The following WDFY3 variants were observed in gnomAD, a reference collection of about 807,000 sequenced individuals.
WDFY3 encodes WD repeat and FYVE domain containing 3, also known as WD repeat and FYVE domain-containing protein 3.
A neutral mutation model predicts 409.6 loss-of-function variants in WDFY3; 66 were observed. That is an observed-to-expected ratio of 0.16 (90% CI 0.13 to 0.20). The LOEUF (loss-of-function observed/expected upper bound fraction) is 0.20. Ranked by LOEUF, WDFY3 falls within the 10% of genes least tolerant of loss-of-function variation. WDFY3 has a pLI of 1.00. For missense variants in WDFY3, 3,031 were observed against 4,298.1 expected, an observed-to-expected ratio of 0.71 and a Z score of 8.24; for synonymous variants, 1,521 against 1,537.1, an observed-to-expected ratio of 0.99 and a Z score of 0.25.
At chr4:84,869,319 T>C (rs1046146016) in intron 3 of WDFY3, among the ~76,000 whole-genome samples, 6 of 152,192 alleles carry the variant, frequency 3.9e-5, no homozygotes, top group Admixed American at 2.0e-4. Context: ...CTCCCAATTG[T>C]TCAATAGAGG....
At chr4:84,950,492 C>T (rs934697382) in intron 1 of WDFY3, among the ~76,000 whole-genome samples, 1 of 151,958 alleles carries the variant, frequency 6.6e-6, no homozygotes, top group African/African-American at 2.4e-5. Context: ...AATAGCATCT[C>T]ATCATCTTAA....
At chr4:84,757,775 A>G (rs371049366) in intron 32 of WDFY3, among the ~76,000 whole-genome samples, 1 of 152,294 alleles carries the variant, frequency 6.6e-6, no homozygotes, top group East Asian at 1.9e-4. Flanking sequence ...TGTAGTTAAT[A>G]TATTTCATTG....
At position 84,787,478 on chromosome 4, in the gene WDFY3, T is replaced by C; in HGVS notation, c.3901+4A>G. ...ACTTCAAGAACTAAAAATAAGTTAC[T>C]CACATGGCATACATACAGCCTGAAA... On this transcript the variant is annotated splice_donor_region_variant and intron_variant, in intron 23 of 67. Coordinates refer to ENST00000295888, the MANE Select transcript of WDFY3 (RefSeq NM_014991.6). The C allele has an allele frequency of 6.2e-7, 1 of 1,609,730 alleles. No homozygotes were observed. The highest frequency in any genetic ancestry group is 8.5e-7 in the Non-Finnish European group (1 of 1,176,418).
intron 44 of WDFY3, among the ~76,000 whole-genome samples, chr4:84,730,217 T>C (rs936454406): frequency 1.1e-4 from 16 of 152,128 alleles, no homozygotes; most frequent in Admixed American, 2.0e-4. Flanking sequence ...CTGCATAAAC[T>C]ACAGGGCCCA....
At chr4:84,899,700 C>T (rs1381919092) in intron 2 of WDFY3, among the ~76,000 whole-genome samples, 1 of 152,046 alleles carries the variant, frequency 6.6e-6, no homozygotes, top group African/African-American at 2.4e-5. Flanking sequence ...ATACTTCATC[C>T]AGTCCTCTAC....
intron 32 of WDFY3, among the ~76,000 whole-genome samples, chr4:84,759,983 C>T (rs1243940416): frequency 6.6e-6 from 1 of 151,714 alleles, no homozygotes; most frequent in Non-Finnish European, 1.5e-5. Context: ...GTCCCATCAA[C>T]ACCTAATTTA....
At chr4:84,844,750 T>C (rs551731935) in intron 5 of WDFY3, among the ~76,000 whole-genome samples, 4 of 152,340 alleles carry the variant, frequency 2.6e-5, no homozygotes, top group South Asian at 4.1e-4. Flanking sequence ...AAATTGACCA[T>C]GTGCCCTTAA....
intron 2 of WDFY3, among the ~76,000 whole-genome samples, chr4:84,898,770 A>G (rs1765965540): frequency 6.6e-6 from 1 of 152,260 alleles, no homozygotes; most frequent in African/African-American, 2.4e-5. Context: ...AACAAAATGG[A>G]AAGTGAATTC....
At chr4:84,876,592 C>A (rs1762815005) in intron 3 of WDFY3, among the ~76,000 whole-genome samples, 1 of 151,778 alleles carries the variant, frequency 6.6e-6, no homozygotes, top group South Asian at 2.1e-4. Flanking sequence ...GTTATTTATT[C>A]CCATTAGCAA....
intron 44 of WDFY3, among the ~76,000 whole-genome samples, chr4:84,731,608 T>C (rs1047415575): frequency 3.3e-5 from 5 of 152,230 alleles, no homozygotes; most frequent in African/African-American, 9.6e-5. Context: ...GGTGCATACT[T>C]ATTTATGAGC....
intron 67 of WDFY3, among the ~76,000 whole-genome samples, chr4:84,676,624 A>G (rs1483675130): frequency 6.6e-6 from 1 of 152,160 alleles, no homozygotes; most frequent in Non-Finnish European, 1.5e-5. Context: ...GAGGGCATCA[A>G]AAGGGAAATA....
At chr4:84,817,607 C>T (rs1753486817) in intron 12 of WDFY3, 22 bp from the exon 13 acceptor site, 2 of 1,572,018 alleles carry the variant, frequency 1.3e-6, no homozygotes, top group Non-Finnish European at 8.6e-7. Flanking sequence ...GAGAAAAAGT[C>T]CAACAATGGC....
At chr4:84,873,817 C>T (rs1479652754) in intron 3 of WDFY3, among the ~76,000 whole-genome samples, 1 of 151,390 alleles carries the variant, frequency 6.6e-6, no homozygotes, top group Non-Finnish European at 1.5e-5. Flanking sequence ...GGGTCTCAAT[C>T]TGTAACCCAT....
chr4:84,684,786 T>C (rs1286263074), intron 62 of WDFY3, among the ~76,000 whole-genome samples: 1 of 152,200 alleles, frequency 6.6e-6, no homozygotes, highest in African/African-American at 2.4e-5. Context: ...GATCCAAAGA[T>C]AGAAAAGAAC....
At chr4:84,958,327 T>A (rs1454242376) in intron 1 of WDFY3, among the ~76,000 whole-genome samples, 1 of 152,326 alleles carries the variant, frequency 6.6e-6, no homozygotes, top group South Asian at 2.1e-4. Flanking sequence ...AGCAATGTGG[T>A]TGGCATCTCC....
At chr4:84,825,189 A>C (rs1754674401) in intron 10 of WDFY3, among the ~76,000 whole-genome samples, 2 of 152,186 alleles carry the variant, frequency 1.3e-5, no homozygotes, top group Admixed American at 1.3e-4. Context: ...TGTTGTGATT[A>C]GCTATTATGC....
chr4:84,741,970 A>G (rs1738514573), intron 37 of WDFY3, 49 bp from the exon 38 acceptor site: 1 of 1,495,584 alleles, frequency 6.7e-7, no homozygotes, highest in Non-Finnish European at 9.0e-7. Flanking sequence ...ATCTACCAAC[A>G]CAGGACCAGA....
chr4:84,799,306 G>A (rs1199321347), intron 17 of WDFY3, among the ~76,000 whole-genome samples: 1 of 150,868 alleles, frequency 6.6e-6, no homozygotes, highest in East Asian at 2.0e-4. Flanking sequence ...ACAGGCACAC[G>A]CCACCATGCT....
intron 67 of WDFY3, among the ~76,000 whole-genome samples, chr4:84,676,529 C>A: frequency 6.6e-6 from 1 of 151,250 alleles, no homozygotes. Context: ...GGAATTCTAG[C>A]TTGTGTATTA....
Sources: allele counts gnomAD v4.1 joint callset (sites outside exome capture counted in the v4.1 genomes callset), GRCh38; gene constraint gnomAD v4.1.1; transcripts MANE v1.5; gene names NCBI Gene and HGNC (gene_info 2026-07-23, HGNC 2026-07-21).